Variants in MEIS1 observed in about 807,000 individuals in gnomAD.
MEIS1 encodes homeobox protein Meis1.
In MEIS1, 5 loss-of-function variants were observed where a neutral mutation model predicts 50.8. That is an observed-to-expected ratio of 0.10 (90% CI 0.05 to 0.21). MEIS1 has a LOEUF of 0.21. Ranked by LOEUF, MEIS1 falls within the 10% of genes least tolerant of loss-of-function variation. The pLI, the probability that MEIS1 is intolerant of heterozygous loss-of-function variation, is 1.00. For synonymous variants in MEIS1, 176 were observed against 179.3 expected, an observed-to-expected ratio of 0.98 and a Z score of 0.15; for missense variants, 318 against 517.3, an observed-to-expected ratio of 0.61 and a Z score of 3.74.
chr2:66,481,021 A>G (rs1673002906), intron 7 of MEIS1, among the ~76,000 whole-genome samples: 1 of 151,992 alleles, frequency 6.6e-6, no homozygotes, highest in East Asian at 1.9e-4. Context: ...CAAAAAAACA[A>G]AAAAACACAT....
At chr2:66,547,583 A>G (rs894325445) in intron 8 of MEIS1, among the ~76,000 whole-genome samples, 5 of 152,302 alleles carry the variant, frequency 3.3e-5, no homozygotes, top group Admixed American at 1.3e-4. Flanking sequence ...TTCAATGAAT[A>G]TATTAAGTTA....
intron 7 of MEIS1, among the ~76,000 whole-genome samples, chr2:66,466,299 A>G (rs1180324926): frequency 6.6e-6 from 1 of 152,196 alleles, no homozygotes; most frequent in African/African-American, 2.4e-5. Flanking sequence ...AATAACTTCC[A>G]CTGTCATCAA....
chr2:66,486,061 G>A (rs907803107), intron 7 of MEIS1, among the ~76,000 whole-genome samples: 1 of 152,168 alleles, frequency 6.6e-6, no homozygotes, highest in African/African-American at 2.4e-5. Flanking sequence ...TTTTCACTCT[G>A]AGGATAGTTT....
Position 66,481,994 on chromosome 2 carries a change from A to G in MEIS1, c.742+17774A>G, listed in dbSNP as rs1433996795. Among the ~76,000 whole-genome samples, 7 of 144,998 alleles carry G rather than the reference A, an allele frequency of 4.8e-5. No individual in the cohort carries two copies. In the East Asian group the frequency reaches 1.4e-3, roughly 29 times the overall value. ...CTCAGCCTCCCGAGTAGCTGGGATTACAGGTGCACACCACCACACACCACA... is the reference window on the plus strand; with the variant it reads ...CTCAGCCTCCCGAGTAGCTGGGATTGCAGGTGCACACCACCACACACCACA... On this transcript the variant is annotated intron_variant, in intron 7 of 12. Transcript: ENST00000272369.
Position 66,437,926 on chromosome 2 carries a change from A to C in MEIS1, c.202A>C (p.Asn68His), listed in dbSNP as rs983085178. Residue 68 changes from asparagine to histidine, a missense_variant, in exon 2 of 13, where the codon AAT (asparagine) becomes CAT (histidine). By Grantham distance (68) the Asn-to-His change is moderately conservative (BLOSUM62 1). Transcript: ENST00000272369. ...AMAPSMGSSV[N>H]DALKRDKDAI... ...GGCCCCCAGCATGGGCTCCTCTGTC[A>C]ATGACGCTTTAAAGAGAGATAAAGA... is the stretch of plus-strand genomic sequence containing the variant. 8 of 1,597,354 alleles carry C rather than the reference A, an allele frequency of 5.0e-6. No individual in the cohort carries two copies. The African/African-American group carries it at 1.1e-4, about 21-fold the overall frequency.
chr2:66,531,225 G>C (rs1008197860), intron 8 of MEIS1, among the ~76,000 whole-genome samples: 1 of 152,170 alleles, frequency 6.6e-6, no homozygotes, highest in African/African-American at 2.4e-5. Context: ...CTCCAGAAGA[G>C]TCTACTGTTG....
intron 7 of MEIS1, among the ~76,000 whole-genome samples, chr2:66,481,879 G>A (rs1211116270): frequency 2.2e-4 from 31 of 139,468 alleles, no homozygotes; most frequent in African/African-American, 7.9e-4. Flanking sequence ...TTTTTGAGAC[G>A]GAGTCTTGCT....
At chr2:66,509,070 G>A (rs1200125430) in intron 7 of MEIS1, 5 of 471,598 alleles carry the variant, frequency 1.1e-5, no homozygotes, top group South Asian at 6.2e-5. Flanking sequence ...AAATTCTCGA[G>A]AGACCACATT....
chr2:66,545,991 A>G (rs1674780113), intron 8 of MEIS1, among the ~76,000 whole-genome samples: 1 of 152,190 alleles, frequency 6.6e-6, no homozygotes, highest in African/African-American at 2.4e-5. Context: ...TTGTTCCACA[A>G]ATATTTAGTG....
chr2:66,543,155 A>C (rs1674697070), intron 8 of MEIS1, among the ~76,000 whole-genome samples: 1 of 152,200 alleles, frequency 6.6e-6, no homozygotes, highest in Non-Finnish European at 1.5e-5. Flanking sequence ...GCGGCTGGTA[A>C]AATGACAGCT....
intron 1 of MEIS1, among the ~76,000 whole-genome samples, chr2:66,436,194 G>A (rs183337536): frequency 6.6e-6 from 1 of 152,178 alleles, no homozygotes; most frequent in African/African-American, 2.4e-5. Flanking sequence ...GAGATCAGAA[G>A]TTTAAAGTTA....
At chr2:66,464,471 G>A (rs1397407173) in intron 7 of MEIS1, among the ~76,000 whole-genome samples, 1 of 152,178 alleles carries the variant, frequency 6.6e-6, no homozygotes, top group Non-Finnish European at 1.5e-5. Context: ...TAGAGAAGTA[G>A]CTTAGAAGTT....
chr2:66,537,597 T>C (rs1312078185), intron 8 of MEIS1, among the ~76,000 whole-genome samples: 2 of 152,230 alleles, frequency 1.3e-5, no homozygotes, highest in African/African-American at 4.8e-5. Flanking sequence ...TGTACCATTT[T>C]GCTTCTAACT....
At chr2:66,494,905 G>A (rs377157827) in intron 7 of MEIS1, among the ~76,000 whole-genome samples, 3 of 152,010 alleles carry the variant, frequency 2.0e-5, no homozygotes, top group African/African-American at 7.2e-5. Context: ...TATGTTTGGG[G>A]AAGTAGGGGA....
At chr2:66,451,751 G>A (rs920535609) in intron 6 of MEIS1, among the ~76,000 whole-genome samples, 1 of 151,228 alleles carries the variant, frequency 6.6e-6, no homozygotes, top group Non-Finnish European at 1.5e-5. Flanking sequence ...CACTATTTAC[G>A]TGAAGTGGAG....
At chr2:66,469,223 A>G (rs1036914547) in intron 7 of MEIS1, among the ~76,000 whole-genome samples, 1 of 150,984 alleles carries the variant, frequency 6.6e-6, no homozygotes, top group Non-Finnish European at 1.5e-5. Context: ...GCATGCCAGG[A>G]TGTTTCTTTA....
chr2:66,463,060 A>C (rs1672556267), intron 6 of MEIS1, among the ~76,000 whole-genome samples: 1 of 151,970 alleles, frequency 6.6e-6, no homozygotes, highest in Non-Finnish European at 1.5e-5. Flanking sequence ...GGGTAGGAAC[A>C]TAGTTTTCTA....
chr2:66,437,915 G>A lies in MEIS1; in HGVS notation c.191G>A (p.Gly64Asp), dbSNP rs1217591995. ...ACCAACGCCATGGCCCCCAGCATGGGCTCCTCTGTCAATGACGCTTTAAAG... is the reference window on the plus strand; with the variant it reads ...ACCAACGCCATGGCCCCCAGCATGGACTCCTCTGTCAATGACGCTTTAAAG... The part of the protein sequence containing the change: ...AHTNAMAPSM[G>D]SSVNDALKRD... The change falls in exon 2 of 13, where the codon GGC becomes GAC. Residue 64 changes from glycine (G) to aspartate (D), a missense_variant. Physicochemically the swap from Gly to Asp is moderately conservative, Grantham distance 94. Transcript: ENST00000272369. 1.2e-6 allele frequency: 2 copies of A among 1,603,814 alleles called. No individual in the cohort carries two copies. The highest frequency in any genetic ancestry group is 1.7e-5 in the Admixed American group (1 of 58,234).
intron 6 of MEIS1, among the ~76,000 whole-genome samples, chr2:66,444,703 C>A (rs1291868833): frequency 6.6e-6 from 1 of 152,218 alleles, no homozygotes; most frequent in Non-Finnish European, 1.5e-5. Flanking sequence ...CCCGCCAGCC[C>A]TGGCCCGGGA....
Sources: allele counts gnomAD v4.1 joint callset (sites outside exome capture counted in the v4.1 genomes callset), GRCh38; gene constraint gnomAD v4.1.1; transcripts MANE v1.5; gene names NCBI Gene and HGNC (gene_info 2026-07-23, HGNC 2026-07-21).